The following LRP8 variants were observed in gnomAD, a reference collection of about 807,000 sequenced individuals.
LRP8 encodes LDL receptor related protein 8.
In LRP8, 46 loss-of-function variants were observed where a neutral mutation model predicts 111.6. The ratio of observed to expected loss-of-function variants is 0.41; its 90% confidence interval spans 0.33 to 0.53. The LOEUF (loss-of-function observed/expected upper bound fraction) is 0.53. LRP8 is among the 20% of genes least tolerant of loss of function. LRP8 has a pLI of 0.20. For synonymous variants in LRP8, 464 were observed against 511.2 expected (o/e 0.91, Z 1.24); for missense variants, 959 against 1,297.4 (o/e 0.74, Z 4.01).
chr1:53,275,550 T>C lies in LRP8; in HGVS notation c.1006+81A>G, dbSNP rs1646890466. 1 of 1,560,812 alleles carries C rather than the reference T, an allele frequency of 6.4e-7. No individual in the cohort carries two copies. Among genetic ancestry groups the C allele is most frequent in the African/African-American group, 1.4e-5 (1 of 73,622 alleles). ...ATCTTGGGGACCAAGGGGAAACTCC[T>C]CCCAACTCTGCCCTCTGGAGAGTTA... On this transcript the variant is annotated intron_variant, in intron 6 of 18. Transcript: ENST00000306052. The surrounding 1 kb of genome is among the most constrained non-coding windows in gnomAD (Gnocchi z 4.4).
At chr1:53,323,246 AC>A (rs769441170) in intron 2 of LRP8, among the ~76,000 whole-genome samples, 2 of 152,126 alleles carry the variant, frequency 1.3e-5, no homozygotes, top group Non-Finnish European at 2.9e-5. Context: ...CAGTTACGTA[AC>A]CCGTCTGTGC....
chr1:53,260,376 C>T, intron 13 of LRP8, 88 bp downstream of exon 13: 2 of 1,308,452 alleles, frequency 1.5e-6, no homozygotes, highest in Non-Finnish European at 2.2e-6. Flanking sequence ...GAGTTGTGAC[C>T]TGAATGTGAA....
chr1:53,272,509 A>G, intron 6 of LRP8: 1 of 1,143,216 alleles, frequency 8.7e-7, no homozygotes, highest in Middle Eastern at 2.3e-4. Flanking sequence ...ATGGCCATGC[A>G]TATAGCTGGT....
chr1:53,289,130 A>G (rs1245432029), intron 3 of LRP8, among the ~76,000 whole-genome samples: 1 of 152,230 alleles, frequency 6.6e-6, no homozygotes, highest in South Asian at 2.1e-4. Context: ...AACTCAGAAA[A>G]TGACAGTATC....
At position 53,303,391 on chromosome 1, in the gene LRP8, C is replaced by T. The variant is rs2100502230; in HGVS notation, c.245-13702G>A. On this transcript the variant is annotated intron_variant, in intron 2 of 18. Coordinates refer to ENST00000306052, the MANE Select transcript of LRP8 (RefSeq NM_004631.5). This position sits in a 1 kb window ranked among gnomAD's most constrained non-coding sequence, Gnocchi z 4.3. ...TGGGCCCCAGGGCCATGTGGCCCAG[C>T]CCTTGGATTTCATACATGAGAAAAG... Among the ~76,000 whole-genome samples, 1 of 152,320 alleles carries T rather than the reference C, an allele frequency of 6.6e-6. No individual in the cohort carries two copies. Among genetic ancestry groups the T allele is most frequent in the African/African-American group, 2.4e-5 (1 of 41,564 alleles).
chr1:53,250,843 G>A lies in LRP8; in HGVS notation c.2523C>T (p.Cys841=), dbSNP rs979535892. ...TTCTCCAGATCAGGTATCCACTCATGCACAGGAGGGCTATCACCACTGGAG... is the reference window on the plus strand; with the variant it reads ...TTCTCCAGATCAGGTATCCACTCATACACAGGAGGGCTATCACCACTGGAG... The part of the protein sequence containing the change: ...IVPIVVIALL[C]MSGYLIWRNW... Residue 841 remains cysteine (C), a synonymous_variant, in exon 17 of 19, where the codon TGC becomes TGT. Coordinates refer to ENST00000306052, the MANE Select transcript of LRP8 (RefSeq NM_004631.5). The surrounding 1 kb of genome is among the most constrained non-coding windows in gnomAD (Gnocchi z 4.6). 1 of 1,614,072 alleles carries A rather than the reference G, an allele frequency of 6.2e-7. No individual in the cohort carries two copies. The highest frequency in any genetic ancestry group is 8.5e-7 in the Non-Finnish European group (1 of 1,180,014).
chr1:53,257,202 T>C, intron 15 of LRP8, 38 bp downstream of exon 15: 1 of 1,602,436 alleles, frequency 6.2e-7, no homozygotes. Flanking sequence ...CTAGGAGCCC[T>C]CCCATGTCAT....
At position 53,269,338 on chromosome 1, in the gene LRP8, A is replaced by G. The variant is rs149815062; in HGVS notation, c.1252+1690T>C. Among the ~76,000 whole-genome samples, 1,221 of 151,658 alleles carry G rather than the reference A, an allele frequency of 8.1e-3. 16 individuals carry two copies. Among genetic ancestry groups the G allele is most frequent in the African/African-American group, 0.028 (1,174 of 41,364 alleles). On this transcript the variant is annotated intron_variant, in intron 8 of 18. Coordinates refer to ENST00000306052, the MANE Select transcript of LRP8 (RefSeq NM_004631.5). ...TATTATTATTATTTTTTTTTTTAGA[A>G]AAGGTCTCACTCTGTCACCCAGGCT... is the stretch of plus-strand genomic sequence containing the variant.
intron 2 of LRP8, among the ~76,000 whole-genome samples, chr1:53,298,905 G>C (rs1283622397): frequency 6.6e-6 from 1 of 152,242 alleles, no homozygotes; most frequent in Non-Finnish European, 1.5e-5. Context: ...CAGTTGAGGA[G>C]AAGGTTCTAG....
intron 9 of LRP8, among the ~76,000 whole-genome samples, chr1:53,265,552 C>G (rs1646520571): frequency 6.6e-6 from 1 of 152,218 alleles, no homozygotes; most frequent in African/African-American, 2.4e-5. Context: ...CCATCAGCCC[C>G]ATATCTAGTC....
intron 8 of LRP8, chr1:53,268,003 GCA>G (rs1557773905): frequency 6.6e-6 from 1 of 152,428 alleles, no homozygotes; most frequent in East Asian, 1.9e-4. Flanking sequence ...GATGGGACCA[GCA>G]CAGAGTCAGG....
chr1:53,253,939 T>C (rs903382693), intron 16 of LRP8, among the ~76,000 whole-genome samples: 51 of 152,220 alleles, frequency 3.4e-4, no homozygotes, highest in African/African-American at 1.2e-3. Flanking sequence ...GATTAAAGAC[T>C]GAAAGCTCTT....
intron 4 of LRP8, among the ~76,000 whole-genome samples, chr1:53,278,530 T>C (rs1463600621): frequency 6.6e-6 from 1 of 152,256 alleles, no homozygotes; most frequent in Non-Finnish European, 1.5e-5. Flanking sequence ...GCTCGTGTCA[T>C]GCGTTTCTGA....
chr1:53,261,313 T>G (rs1032589741), intron 12 of LRP8, among the ~76,000 whole-genome samples: 1 of 152,262 alleles, frequency 6.6e-6, no homozygotes, highest in South Asian at 2.1e-4. Flanking sequence ...CAAACACTTG[T>G]GTACCAACAC....
In LRP8 at chr1:53,264,210, G is replaced by A. The variant is rs1435146696; in HGVS notation, c.1614C>T (p.Asn538=). ...CAGCGATGGCCCGGGGTTCACTGAG[G>A]TTACGGCTGAAGAGAGTGCGTCGGC... ...GGRRRTLFSR[N]LSEPRAIAVD... is the part of the protein sequence containing the mutation. The change falls in exon 10 of 19, where the codon AAC becomes AAT. Residue 538 remains asparagine (N), a synonymous_variant. Transcript: ENST00000306052. 2 of 1,614,036 alleles carry A rather than the reference G, an allele frequency of 1.2e-6. No homozygotes were observed. The highest frequency in any genetic ancestry group is 1.7e-6 in the Non-Finnish European group (2 of 1,180,030).
chr1:53,263,810 A>G (rs899654771), intron 10 of LRP8, among the ~76,000 whole-genome samples: 1 of 152,194 alleles, frequency 6.6e-6, no homozygotes, highest in African/African-American at 2.4e-5. Flanking sequence ...AACAGGCCCT[A>G]TGGGAGGTAA....
In LRP8 at chr1:53,246,215, G is replaced by A. The variant is rs1645723190; in HGVS notation, c.*803C>T. The A allele has an allele frequency of 6.6e-6, 1 of 152,106 alleles. No individual in the cohort carries two copies. The highest frequency in any genetic ancestry group is 2.1e-4 in the South Asian group (1 of 4,832). The allele number at this position is 152,106 out of a possible 1,614,324, so 9.4% of individuals were successfully genotyped here. A position where few individuals can be genotyped will look rare whatever the true frequency, so the allele number is the denominator to read the frequency against. On this transcript the variant is annotated 3_prime_UTR_variant, in exon 19 of 19. Coordinates refer to ENST00000306052, the MANE Select transcript of LRP8 (RefSeq NM_004631.5). ...GGAATAGCCAGAGGTGAAAAGATTT[G>A]CCTTTTTTACTACATAATTGCACAA...
At chr1:53,313,122 A>G (rs1460507325) in intron 2 of LRP8, among the ~76,000 whole-genome samples, 1 of 152,158 alleles carries the variant, frequency 6.6e-6, no homozygotes, top group Admixed American at 6.5e-5. Context: ...TTGGGTCCTC[A>G]TCCCCTTCAC....
rs1645825161 is a variant in LRP8 at position 53,249,395 on chromosome 1, A to G, written c.2838T>C (p.Pro946=). 1.9e-6 allele frequency: 3 copies of G among 1,614,012 alleles called. No individual in the cohort carries two copies. The African/African-American group carries it at 4.0e-5, about 22-fold the overall frequency. Residue 946 remains proline, a synonymous_variant, in exon 18 of 19, where the codon CCT becomes CCC. Coordinates refer to ENST00000306052, the MANE Select transcript of LRP8 (RefSeq NM_004631.5). This position sits in a 1 kb window ranked among gnomAD's most constrained non-coding sequence, Gnocchi z 4.1. ...QLPKNPLSEL[P]VVKSKRVALS... ...ACTGCCCTACCTTGGATTTGACGAC[A>G]GGCAGCTCGGAAAGAGGGTTCTTCG...
Sources: allele counts gnomAD v4.1 joint callset (sites outside exome capture counted in the v4.1 genomes callset), GRCh38; gene constraint gnomAD v4.1.1; non-coding constraint Gnocchi (gnomAD v3.1); transcripts MANE v1.5; gene names NCBI Gene and HGNC (gene_info 2026-07-23, HGNC 2026-07-21).